ZNF487: variants seen among roughly 807,000 people sequenced by gnomAD.
ZNF487 encodes zinc finger protein 487, also known as KRAB domain only 1.
ZNF487 carries 4 observed loss-of-function variants against 3.0 expected under a neutral mutation model. The ratio of observed to expected loss-of-function variants is 1.35; its 90% CI spans 0.66 to 3.08. The LOEUF (loss-of-function observed/expected upper bound fraction) is 3.08, where lower values mean the gene tolerates loss of function less well. Ranked by LOEUF, ZNF487 falls within the 30% of genes most tolerant of loss-of-function variation. ZNF487 has a pLI of 0.01. For missense variants in ZNF487, 146 were observed against 98.7 expected, an observed-to-expected ratio of 1.48 and a Z score of -2.03; for synonymous variants, 55 against 34.6, an observed-to-expected ratio of 1.59 and a Z score of -2.06.
At chr10:43,443,879 GTC>G (rs146503138) in intron 1 of ZNF487, among the ~76,000 whole-genome samples, 4,046 of 146,752 alleles carry the variant, frequency 0.028, 90 homozygotes, top group Non-Finnish European at 0.04. Context: ...TGTAGACACA[GTC>G]TCTCTCTGTC....
At chr10:43,506,290 G>A in the ZNF487 span, among the ~76,000 whole-genome samples, 42 of 152,118 alleles carry the variant, frequency 2.8e-4, no homozygotes, top group Admixed American at 5.9e-4. Context: ...AAGGTGGGAG[G>A]ATTGCTTGAG....
At chr10:43,494,572 T>C in the ZNF487 span, among the ~76,000 whole-genome samples, 4 of 151,818 alleles carry the variant, frequency 2.6e-5, no homozygotes. Flanking sequence ...TTACTTCACC[T>C]CTTTATTGGC....
intron 1 of ZNF487, among the ~76,000 whole-genome samples, chr10:43,472,552 G>C (rs960969976): frequency 6.6e-6 from 1 of 152,116 alleles, no homozygotes; most frequent in Non-Finnish European, 1.5e-5. Flanking sequence ...ATAGCATTTA[G>C]AGTACCTGTG....
the ZNF487 span, among the ~76,000 whole-genome samples, chr10:43,490,475 C>T: frequency 6.8e-6 from 1 of 146,466 alleles, no homozygotes; most frequent in Non-Finnish European, 1.5e-5. Context: ...ACTGTTATAG[C>T]CTGAGTTTTC....
At chr10:43,500,117 C>T in the ZNF487 span, among the ~76,000 whole-genome samples, 10 of 152,080 alleles carry the variant, frequency 6.6e-5, no homozygotes, top group African/African-American at 1.7e-4. Flanking sequence ...TCAGGTGATC[C>T]GCCTGCCTCG....
Position 43,476,149 on chromosome 10 carries a change from A to G in ZNF487, c.77A>G (p.His26Arg). The change falls in exon 3 of 4, where the codon CAT becomes CGT. Residue 26 changes from histidine to arginine, a missense_variant. Coordinates refer to ENST00000437590, the MANE Select transcript of ZNF487 (RefSeq NM_001355444.3). Reference sequence around the variant, plus strand: ...CCAGAGGTGGTTTGCAAGTTGGAGCATGGACAGGTGCTGTGGATATTAGAG... The same window carrying G: ...CCAGAGGTGGTTTGCAAGTTGGAGCGTGGACAGGTGCTGTGGATATTAGAG... ...TKPEVVCKLEHGQVLWILEEE... is the reference protein window; with the variant it reads ...TKPEVVCKLERGQVLWILEEE... 1.4e-6 allele frequency: 1 copy of G among 717,546 alleles called. No individual in the cohort carries two copies. Among genetic ancestry groups the G allele is most frequent in the South Asian group, 1.5e-5 (1 of 67,604 alleles). The allele number at this position is 717,546 out of a possible 1,614,324, so 44.4% of individuals were successfully genotyped here. A position where few individuals can be genotyped will look rare whatever the true frequency, so the allele number is the denominator to read the frequency against.
intron 1 of ZNF487, among the ~76,000 whole-genome samples, chr10:43,447,112 A>C (rs1473591770): frequency 1.3e-5 from 2 of 151,796 alleles, no homozygotes; most frequent in East Asian, 3.9e-4. Flanking sequence ...TCAGGCAGGG[A>C]GGTTGCAGTG....
chr10:43,461,918 C>A (rs2045712239), intron 1 of ZNF487, among the ~76,000 whole-genome samples: 1 of 152,136 alleles, frequency 6.6e-6, no homozygotes, highest in African/African-American at 2.4e-5. Context: ...TGTTCCAGGG[C>A]AAAGCTATGT....
chr10:43,479,603 A>G (rs1166437771), intron 3 of ZNF487, among the ~76,000 whole-genome samples: 1 of 152,088 alleles, frequency 6.6e-6, no homozygotes, highest in Non-Finnish European at 1.5e-5. Context: ...AAGCCTGGAG[A>G]AACCTTATTT....
intron 1 of ZNF487, among the ~76,000 whole-genome samples, chr10:43,446,634 T>C (rs1839816914): frequency 7.5e-6 from 1 of 133,522 alleles, no homozygotes; most frequent in Non-Finnish European, 1.6e-5. Flanking sequence ...TCCTAGACGA[T>C]GGGCGCCCGG....
the ZNF487 span, among the ~76,000 whole-genome samples, chr10:43,519,704 G>C: frequency 4.8e-3 from 726 of 152,260 alleles, 24 homozygotes; most frequent in Admixed American, 0.044. Flanking sequence ...CTGACCTTGT[G>C]ATCCGCCTAT....
At chr10:43,480,926 A>C (rs548056160) in intron 3 of ZNF487, among the ~76,000 whole-genome samples, 2 of 152,280 alleles carry the variant, frequency 1.3e-5, no homozygotes, top group African/African-American at 4.8e-5. Flanking sequence ...TCAGACTATG[A>C]GTTAGATGAT....
chr10:43,479,976 TTTCTTTCCTTCTTTCTTTCTTTCTTTC>T (rs1841265464), intron 3 of ZNF487, among the ~76,000 whole-genome samples: 2 of 43,952 alleles, frequency 4.6e-5, no homozygotes, highest in African/African-American at 5.5e-5. Flanking sequence ...CTTTCTTTTC[TTTCTTTCCTTCTTTCTTTCTTTCTTTC>T]TTTCTTTCTT....
At chr10:43,438,879 C>T (rs1204386563) in intron 1 of ZNF487, among the ~76,000 whole-genome samples, 1 of 151,804 alleles carries the variant, frequency 6.6e-6, no homozygotes, top group African/African-American at 2.4e-5. Context: ...CCAGGAGTTC[C>T]AGACCAGCCT....
chr10:43,493,878 A>G, the ZNF487 span, among the ~76,000 whole-genome samples: 1 of 150,890 alleles, frequency 6.6e-6, no homozygotes, highest in Admixed American at 6.6e-5. Context: ...ATAAAAAGCT[A>G]AAATAGGCCA....
the ZNF487 span, among the ~76,000 whole-genome samples, chr10:43,491,681 A>G: frequency 2.0e-5 from 3 of 151,786 alleles, no homozygotes; most frequent in Non-Finnish European, 4.4e-5. Context: ...CTGGAGGCTC[A>G]TAAAGAAACT....
At chr10:43,510,835 C>T in the ZNF487 span, among the ~76,000 whole-genome samples, 13 of 152,192 alleles carry the variant, frequency 8.5e-5, no homozygotes, top group African/African-American at 2.7e-4. Flanking sequence ...CGTGAGCCAC[C>T]GTGCCCGGCC....
At chr10:43,520,649 G>C in the ZNF487 span, among the ~76,000 whole-genome samples, 1 of 152,328 alleles carries the variant, frequency 6.6e-6, no homozygotes, top group East Asian at 1.9e-4. Flanking sequence ...GACATACAAA[G>C]TGATAAAGTT....
the ZNF487 span, among the ~76,000 whole-genome samples, chr10:43,522,662 A>G: frequency 6.6e-6 from 1 of 152,194 alleles, no homozygotes; most frequent in African/African-American, 2.4e-5. Flanking sequence ...TGAACCTGGG[A>G]GGTGGAGGTT....
Sources: gnomAD v4.1 joint callset for allele counts (sites outside exome capture counted in the v4.1 genomes callset) on GRCh38, gnomAD v4.1.1 for gene constraint, MANE v1.5 for transcripts, NCBI Gene and HGNC (gene_info 2026-07-23, HGNC 2026-07-21) for gene names.